The following ERICH6B variants were observed in gnomAD, a reference collection of about 807,000 sequenced individuals.
ERICH6B encodes the protein glutamate-rich protein 6B.
A neutral mutation model predicts 80.0 loss-of-function variants in ERICH6B; 69 were observed. The ratio of observed to expected loss-of-function variants is 0.86; its 90% CI spans 0.71 to 1.05. ERICH6B has a LOEUF of 1.05. Among genes scored for constraint, ERICH6B ranks in the 50% least tolerant of loss-of-function variants. The probability of loss-of-function intolerance (pLI) is 0.00; values close to 1 mark genes in which losing one functional copy is unlikely to be tolerated. For synonymous variants in ERICH6B, 283 were observed against 291.9 expected (o/e 0.97, Z 0.31); for missense variants, 754 against 796.1 (o/e 0.95, Z 0.64).
intron 11 of ERICH6B, among the ~76,000 whole-genome samples, chr13:45,560,851 C>G (rs1874641803): frequency 6.6e-6 from 1 of 152,108 alleles, no homozygotes; most frequent in Admixed American, 6.5e-5. Flanking sequence ...GCTTATTTAT[C>G]CATTCACTGT....
intron 11 of ERICH6B, among the ~76,000 whole-genome samples, chr13:45,556,762 C>CAT (rs1386002678): frequency 1.3e-5 from 2 of 151,806 alleles, no homozygotes; most frequent in East Asian, 1.9e-4. Context: ...AGTATTCCAT[C>CAT]ATATATATAT....
Position 45,550,388 on chromosome 13 carries a change from G to A in ERICH6B, c.1408-72C>T, listed in dbSNP as rs1004949441. On this transcript the variant is annotated intron_variant, in intron 11 of 14. Coordinates refer to ENST00000298738, the MANE Select transcript of ERICH6B (RefSeq NM_182542.3). The stretch of plus-strand genomic sequence containing the variant: ...TACCAACTGTCCTACTGCAGAGCAC[G>A]GTGTGGACCCCATCTGCTTGCTCTC... 56 of 1,267,690 alleles carry A rather than the reference G, an allele frequency of 4.4e-5. No homozygotes were observed. The Admixed American group carries it at 5.6e-4, about 13-fold the overall frequency. The allele number at this position is 1,267,690 out of a possible 1,614,324, so 78.5% of individuals were successfully genotyped here.
chr13:45,582,138 C>T (rs28479783), intron 5 of ERICH6B, among the ~76,000 whole-genome samples: 7 of 152,162 alleles, frequency 4.6e-5, no homozygotes, highest in African/African-American at 7.2e-5. Context: ...CTTTGTGTGA[C>T]GTAGTCTCCA....
At chr13:45,558,456 C>T (rs1389164032) in intron 11 of ERICH6B, among the ~76,000 whole-genome samples, 3 of 152,160 alleles carry the variant, frequency 2.0e-5, no homozygotes, top group African/African-American at 7.2e-5. Context: ...TTGGCTAGGC[C>T]TTCCAGTACT....
intron 2 of ERICH6B, among the ~76,000 whole-genome samples, chr13:45,605,105 C>T (rs929972005): frequency 6.6e-6 from 1 of 152,120 alleles, no homozygotes; most frequent in African/African-American, 2.4e-5. Context: ...GCCCCTCCCC[C>T]TCAACTTCCT....
chr13:45,590,161 C>T (rs77157746), intron 4 of ERICH6B, among the ~76,000 whole-genome samples: 4,162 of 151,840 alleles, frequency 0.027, 178 homozygotes, highest in African/African-American at 0.095. Context: ...GCATATTCCA[C>T]AGAGGCTCTC....
At chr13:45,588,663 T>A (rs538103637) in intron 4 of ERICH6B, among the ~76,000 whole-genome samples, 11 of 152,234 alleles carry the variant, frequency 7.2e-5, no homozygotes, top group African/African-American at 2.6e-4. Flanking sequence ...ACTTAGAGAG[T>A]TGTCTCACAA....
At chr13:45,558,579 T>C (rs1419835665) in intron 11 of ERICH6B, among the ~76,000 whole-genome samples, 1 of 152,244 alleles carries the variant, frequency 6.6e-6, no homozygotes, top group African/African-American at 2.4e-5. Flanking sequence ...TTGTCATAGA[T>C]GGCTTTTACT....
At chr13:45,588,808 G>A (rs1246941821) in intron 4 of ERICH6B, among the ~76,000 whole-genome samples, 1 of 152,182 alleles carries the variant, frequency 6.6e-6, no homozygotes, top group Admixed American at 6.5e-5. Context: ...AAGCAGAGCC[G>A]GGTTCTAGCC....
intron 2 of ERICH6B, among the ~76,000 whole-genome samples, chr13:45,603,209 T>G (rs1949837179): frequency 6.6e-6 from 1 of 152,234 alleles, no homozygotes; most frequent in Non-Finnish European, 1.5e-5. Flanking sequence ...CTCAGTGGCT[T>G]GGACAATGCC....
chr13:45,563,632 T>C (rs1353167990), intron 10 of ERICH6B, 95 bp downstream of exon 10: 4 of 1,177,636 alleles, frequency 3.4e-6, no homozygotes, highest in Non-Finnish European at 5.0e-6. Flanking sequence ...GAATGAGCCC[T>C]TCCACCTTCT....
intron 13 of ERICH6B, among the ~76,000 whole-genome samples, chr13:45,548,179 T>G (rs1874064123): frequency 6.6e-6 from 1 of 152,192 alleles, no homozygotes; most frequent in Non-Finnish European, 1.5e-5. Flanking sequence ...CAGCCATGCC[T>G]TCCATCTTCC....
At chr13:45,554,832 T>C (rs1308896804) in intron 11 of ERICH6B, among the ~76,000 whole-genome samples, 1 of 152,232 alleles carries the variant, frequency 6.6e-6, no homozygotes, top group Admixed American at 6.5e-5. Context: ...CCCTGGGTCC[T>C]GGCCTGGAGG....
At chr13:45,603,168 C>T (rs1949836927) in intron 2 of ERICH6B, among the ~76,000 whole-genome samples, 1 of 152,124 alleles carries the variant, frequency 6.6e-6, no homozygotes. Flanking sequence ...AAAAATTGTC[C>T]CTTCCTCCAT....
chr13:45,565,991 A>T (rs1388308482), intron 9 of ERICH6B, among the ~76,000 whole-genome samples: 1 of 152,188 alleles, frequency 6.6e-6, no homozygotes, highest in Non-Finnish European at 1.5e-5. Context: ...CTGACAAAAA[A>T]GTCCAGGCTG....
At chr13:45,544,712 C>T (rs1274989312) in intron 14 of ERICH6B, 48 bp downstream of exon 14, 4 of 1,511,228 alleles carry the variant, frequency 2.6e-6, no homozygotes, top group South Asian at 1.2e-5. Context: ...GGCCTTTGTA[C>T]AGGTGGGCAC....
intron 8 of ERICH6B, among the ~76,000 whole-genome samples, chr13:45,571,419 C>G (rs1875162233): frequency 6.6e-6 from 1 of 152,026 alleles, no homozygotes. Context: ...ATTCTGCACA[C>G]TAACTGCAAA....
chr13:45,579,276 G>A (rs1028765634), intron 7 of ERICH6B, among the ~76,000 whole-genome samples: 1 of 152,178 alleles, frequency 6.6e-6, no homozygotes, highest in African/African-American at 2.4e-5. Flanking sequence ...TAAGCCATGG[G>A]GTGGGGATGG....
At chr13:45,565,581 T>C (rs915384434) in intron 9 of ERICH6B, among the ~76,000 whole-genome samples, 7 of 152,234 alleles carry the variant, frequency 4.6e-5, no homozygotes, top group Non-Finnish European at 8.8e-5. Flanking sequence ...CATGCTGTTC[T>C]TGTGATAGTG....
Sources: allele counts gnomAD v4.1 joint callset (sites outside exome capture counted in the v4.1 genomes callset), GRCh38; gene constraint gnomAD v4.1.1; transcripts MANE v1.5; gene names NCBI Gene and HGNC (gene_info 2026-07-23, HGNC 2026-07-21).